SKIC8: variants seen among roughly 807,000 people sequenced by gnomAD.
SKIC8 encodes the protein superkiller complex protein 8.
chr15:78,285,440 C>T, the SKIC8 span: 7 of 1,000,852 alleles, frequency 7.0e-6, no homozygotes, highest in African/African-American at 6.4e-5. Context: ...ACCCCCCAAC[C>T]CCATGCCTCG....
chr15:78,289,017 C>T, the SKIC8 span: 12 of 408,222 alleles, frequency 2.9e-5, no homozygotes, highest in South Asian at 5.5e-5. Context: ...TATTAACACA[C>T]ACATACATAA....
At chr15:78,288,594 C>T in the SKIC8 span, among the ~76,000 whole-genome samples, 2 of 152,174 alleles carry the variant, frequency 1.3e-5, no homozygotes, top group Non-Finnish European at 2.9e-5. Flanking sequence ...GCCATTTCTC[C>T]TTAGTTCCCT....
chr15:78,291,619 G>A, the SKIC8 span: 1 of 152,204 alleles, frequency 6.6e-6, no homozygotes, highest in Admixed American at 6.5e-5. Flanking sequence ...TATTGCTTCT[G>A]AGGGAAAATG....
chr15:78,289,893 A>C, the SKIC8 span: 1 of 1,588,922 alleles, frequency 6.3e-7, no homozygotes, highest in Non-Finnish European at 8.6e-7. Flanking sequence ...GGACTGCAAC[A>C]GGCTGGAAGG....
At chr15:78,292,678 G>A in the SKIC8 span, 247 of 1,614,056 alleles carry the variant, frequency 1.5e-4, no homozygotes, top group Non-Finnish European at 2.0e-4. Context: ...ACGAATATGA[G>A]CATCAAGAGA....
chr15:78,298,524 ATT>A, the SKIC8 span, among the ~76,000 whole-genome samples: 1 of 152,166 alleles, frequency 6.6e-6, no homozygotes, highest in East Asian at 1.9e-4. Context: ...ATTCACATAC[ATT>A]TTATTACACT....
chr15:78,292,089 T>G, the SKIC8 span: 1 of 154,488 alleles, frequency 6.5e-6, no homozygotes, highest in Non-Finnish European at 1.4e-5. Context: ...AAGTTTCATA[T>G]GTATCACATA....
At chr15:78,291,663 A>G in the SKIC8 span, 1 of 152,154 alleles carries the variant, frequency 6.6e-6, no homozygotes, top group Non-Finnish European at 1.5e-5. Flanking sequence ...CCTCTTTAAA[A>G]ACTCTGGGAC....
the SKIC8 span, among the ~76,000 whole-genome samples, chr15:78,297,889 C>T: frequency 6.6e-6 from 1 of 152,168 alleles, no homozygotes; most frequent in African/African-American, 2.4e-5. Flanking sequence ...ATAACTAATC[C>T]TTGCCTATGA....
chr15:78,297,988 A>G, the SKIC8 span, among the ~76,000 whole-genome samples: 1 of 152,204 alleles, frequency 6.6e-6, no homozygotes, highest in African/African-American at 2.4e-5. Context: ...CCTGGCCTCA[A>G]ACGATCCTCT....
chr15:78,286,022 G>T, the SKIC8 span: 1 of 1,605,626 alleles, frequency 6.2e-7, no homozygotes, highest in Non-Finnish European at 8.5e-7. Context: ...TTTAGAAACT[G>T]CTAAGAATCA....
At chr15:78,288,729 C>T in the SKIC8 span, 2 of 345,326 alleles carry the variant, frequency 5.8e-6, no homozygotes, top group Admixed American at 4.4e-5. Flanking sequence ...CCTATCAAAT[C>T]CTTTATTATA....
chr15:78,288,339 G>A, the SKIC8 span: 5 of 1,613,798 alleles, frequency 3.1e-6, no homozygotes, highest in African/African-American at 5.3e-5. Flanking sequence ...CAAGGAGCTG[G>A]GAGTCCGGGG....
the SKIC8 span, chr15:78,295,020 T>C: frequency 1.2e-6 from 2 of 1,611,576 alleles, no homozygotes; most frequent in Non-Finnish European, 1.7e-6. Context: ...AGATTTCAGA[T>C]GTCTCACATT....
the SKIC8 span, chr15:78,283,878 G>A: frequency 6.1e-6 from 1 of 164,132 alleles, no homozygotes; most frequent in East Asian, 1.7e-4. Context: ...GGAAGAAAGA[G>A]CCCCACAACT....
At chr15:78,292,902 C>G in the SKIC8 span, 2 of 1,255,520 alleles carry the variant, frequency 1.6e-6, no homozygotes. Context: ...AATACAGAAT[C>G]AGAGAAGAGT....
chr15:78,285,298 C>T, the SKIC8 span: 6 of 1,614,194 alleles, frequency 3.7e-6, no homozygotes, highest in East Asian at 1.1e-4. Flanking sequence ...AACACAAGTC[C>T]TCGTTCCAAC....
chr15:78,297,407 G>T, the SKIC8 span, among the ~76,000 whole-genome samples: 1 of 152,192 alleles, frequency 6.6e-6, no homozygotes, highest in African/African-American at 2.4e-5. Context: ...ACAAATTTTA[G>T]TAAGTAGGTG....
chr15:78,296,159 G>C, the SKIC8 span: 1 of 152,732 alleles, frequency 6.5e-6, no homozygotes, highest in Admixed American at 6.5e-5. Context: ...CCAACAGGCA[G>C]GTAAATAAGG....
Sources: allele counts gnomAD v4.1 joint callset (sites outside exome capture counted in the v4.1 genomes callset), GRCh38; gene constraint gnomAD v4.1.1; transcripts MANE v1.5; gene names NCBI Gene and HGNC (gene_info 2026-07-23, HGNC 2026-07-21).